SDHAF3: variants seen among roughly 807,000 people sequenced by gnomAD.
SDHAF3 encodes the protein succinate dehydrogenase assembly factor 3, mitochondrial.
A neutral mutation model predicts 11.5 loss-of-function variants in SDHAF3; 18 were observed. That is an observed-to-expected ratio of 1.56 (90% CI 1.08 to 2.32). The LOEUF is 2.32. SDHAF3 is among the 30% of genes most tolerant of loss of function. SDHAF3 has a pLI of 0.00. For missense variants in SDHAF3, 200 were observed against 154.4 expected (o/e 1.30, Z -1.57); for synonymous variants, 72 against 59.3 (o/e 1.21, Z -0.99).
intron 1 of SDHAF3, among the ~76,000 whole-genome samples, chr7:97,129,440 T>C (rs1465181688): frequency 5.9e-5 from 9 of 152,212 alleles, no homozygotes; most frequent in Non-Finnish European, 1.2e-4. Context: ...ATTGCTTGGC[T>C]GCTAATGGCT....
At chr7:97,172,693 A>G (rs1789619789) in intron 1 of SDHAF3, among the ~76,000 whole-genome samples, 1 of 152,214 alleles carries the variant, frequency 6.6e-6, no homozygotes, top group Non-Finnish European at 1.5e-5. Flanking sequence ...ATAAAGGTTC[A>G]CCAGCTATGT....
intron 1 of SDHAF3, among the ~76,000 whole-genome samples, chr7:97,151,091 C>T (rs1789212058): frequency 2.0e-5 from 3 of 152,066 alleles, no homozygotes; most frequent in Non-Finnish European, 4.4e-5. Context: ...TATCAGCATC[C>T]CCCACTGGAG....
At chr7:97,172,583 A>G (rs1278920634) in intron 1 of SDHAF3, among the ~76,000 whole-genome samples, 1 of 152,170 alleles carries the variant, frequency 6.6e-6, no homozygotes, top group Non-Finnish European at 1.5e-5. Context: ...TATGTCAGTT[A>G]TATAAGGAAT....
At chr7:97,152,062 C>T (rs904805419) in intron 1 of SDHAF3, among the ~76,000 whole-genome samples, 2 of 152,140 alleles carry the variant, frequency 1.3e-5, no homozygotes, top group Non-Finnish European at 2.9e-5. Flanking sequence ...TGTATAACGA[C>T]ATGTATCCAT....
At chr7:97,149,852 G>A (rs889210333) in intron 1 of SDHAF3, among the ~76,000 whole-genome samples, 6 of 152,206 alleles carry the variant, frequency 3.9e-5, no homozygotes, top group African/African-American at 1.4e-4. Flanking sequence ...TCTGTAGCAT[G>A]CAATGCTGTT....
chr7:97,149,021 C>T (rs1425601609), intron 1 of SDHAF3, among the ~76,000 whole-genome samples: 2 of 151,838 alleles, frequency 1.3e-5, no homozygotes, highest in African/African-American at 4.8e-5. Context: ...CCTCAACTTC[C>T]CAGGCCAAAG....
At chr7:97,124,836 A>C (rs1791550576) in intron 1 of SDHAF3, among the ~76,000 whole-genome samples, 1 of 152,196 alleles carries the variant, frequency 6.6e-6, no homozygotes, top group East Asian at 1.9e-4. Flanking sequence ...TGATTTTTGC[A>C]CATTGATTTC....
chr7:97,144,691 T>C (rs913105332), intron 1 of SDHAF3, among the ~76,000 whole-genome samples: 1 of 152,230 alleles, frequency 6.6e-6, no homozygotes, highest in Non-Finnish European at 1.5e-5. Flanking sequence ...TTTATACCAG[T>C]ATCATGCTGT....
chr7:97,173,485 G>A (rs1299726654), intron 1 of SDHAF3, among the ~76,000 whole-genome samples: 1 of 150,980 alleles, frequency 6.6e-6, no homozygotes, highest in Non-Finnish European at 1.5e-5. Context: ...TTTTTCTTAG[G>A]TATTTTAACG....
At chr7:97,161,080 GC>G (rs1789402181) in intron 1 of SDHAF3, among the ~76,000 whole-genome samples, 1 of 152,148 alleles carries the variant, frequency 6.6e-6, no homozygotes, top group Admixed American at 6.5e-5. Flanking sequence ...GACATACAGT[GC>G]AATAGCCTTT....
chr7:97,158,078 T>C (rs942493798), intron 1 of SDHAF3, among the ~76,000 whole-genome samples: 2 of 151,974 alleles, frequency 1.3e-5, no homozygotes, highest in East Asian at 1.9e-4. Context: ...ATGGCACATG[T>C]ATACATATGT....
In SDHAF3 at chr7:97,181,257, C is replaced by T. The variant is rs1789769659; in HGVS notation, c.*42C>T. The T allele has an allele frequency of 6.9e-7, 1 of 1,447,010 alleles. No homozygotes were observed. Among genetic ancestry groups the T allele is most frequent in the South Asian group, 1.3e-5 (1 of 78,628 alleles). The allele number at this position is 1,447,010 out of a possible 1,614,324, so 89.6% of individuals were successfully genotyped here. On this transcript the variant is annotated 3_prime_UTR_variant, in exon 2 of 2. Transcript: ENST00000432641. ...TAATAAGACATGCAAAAATTTAGAA[C>T]CCCTACTTTAACTGTCATTGGTTTT...
At position 97,181,303 on chromosome 7, in the gene SDHAF3, A is replaced by G; in HGVS notation, c.*88A>G. On this transcript the variant is annotated 3_prime_UTR_variant, in exon 2 of 2. Coordinates refer to ENST00000432641, the MANE Select transcript of SDHAF3 (RefSeq NM_020186.3). ...GTTTTTGAAATATATTTAAGCTTTG[A>G]AAACACCTGTTATTAATGAAATACT... 1.1e-6 allele frequency: 1 copy of G among 921,696 alleles called. No homozygotes were observed. Among genetic ancestry groups the G allele is most frequent in the South Asian group, 1.8e-5 (1 of 55,246 alleles). The allele number at this position is 921,696 out of a possible 1,614,324, so 57.1% of individuals were successfully genotyped here.
intron 1 of SDHAF3, among the ~76,000 whole-genome samples, chr7:97,164,665 G>C (rs992159808): frequency 1.2e-4 from 19 of 152,024 alleles, no homozygotes; most frequent in Admixed American, 6.5e-4. Flanking sequence ...GTGAGCCAGC[G>C]TGCCTTTCCG....
At chr7:97,120,317 C>G (rs1049677968) in intron 1 of SDHAF3, among the ~76,000 whole-genome samples, 1 of 152,104 alleles carries the variant, frequency 6.6e-6, no homozygotes, top group Non-Finnish European at 1.5e-5. Flanking sequence ...GCAGCTTAAT[C>G]TAAGCCTGGG....
chr7:97,176,502 A>G (rs971786984), intron 1 of SDHAF3, among the ~76,000 whole-genome samples: 4 of 152,154 alleles, frequency 2.6e-5, no homozygotes, highest in Non-Finnish European at 5.9e-5. Context: ...TTCACATTTT[A>G]CTGCTGCTTC....
rs781174674 is a variant in SDHAF3 at position 97,117,793 on chromosome 7, C to T, written c.70C>T (p.Pro24Ser). The change falls in exon 1 of 2, where the codon CCC becomes TCC. Residue 24 changes from proline (P) to serine (S), a missense_variant. Physicochemically the swap from Pro to Ser is moderately conservative, Grantham distance 74. Transcript: ENST00000432641. ...KRVLQLHRVLPPDLKSLGDQY... is the reference protein window; with the variant it reads ...KRVLQLHRVLSPDLKSLGDQY... ...CGTCTTGCAGCTGCACCGTGTTCTGCCCCCGGACCTCAAATCCCTGGGCGA... is the reference window on the plus strand; with the variant it reads ...CGTCTTGCAGCTGCACCGTGTTCTGTCCCCGGACCTCAAATCCCTGGGCGA... The T allele has an allele frequency of 6.2e-6, 10 of 1,614,036 alleles. No homozygotes were observed. In the South Asian group the frequency reaches 7.7e-5, roughly 12 times the overall value.
intron 1 of SDHAF3, among the ~76,000 whole-genome samples, chr7:97,164,452 G>A (rs1386852850): frequency 1.4e-5 from 2 of 146,534 alleles, no homozygotes. Context: ...GCGCAATCTC[G>A]GCTCACCACA....
chr7:97,172,657 T>TA (rs1789618839), intron 1 of SDHAF3, among the ~76,000 whole-genome samples: 1 of 152,184 alleles, frequency 6.6e-6, no homozygotes, highest in Non-Finnish European at 1.5e-5. Flanking sequence ...ATAAAAATAT[T>TA]AATGGTACAC....
Sources: gnomAD v4.1 joint callset for allele counts (sites outside exome capture counted in the v4.1 genomes callset) on GRCh38, gnomAD v4.1.1 for gene constraint, MANE v1.5 for transcripts, NCBI Gene and HGNC (gene_info 2026-07-23, HGNC 2026-07-21) for gene names.